The following TC2N variants were observed in gnomAD, a reference collection of about 807,000 sequenced individuals.
TC2N encodes tandem C2 domains, nuclear, also known as tandem C2 domains nuclear protein.
In TC2N, 51 loss-of-function variants were observed where a neutral mutation model predicts 61.9. The observed-to-expected ratio is 0.82, with a 90% confidence interval of 0.66 to 1.04. The LOEUF is 1.04. Among genes scored for constraint, TC2N ranks in the 50% least tolerant of loss-of-function variants. The pLI, the probability that TC2N is intolerant of heterozygous loss-of-function variation, is 0.00. For missense variants in TC2N, 556 were observed against 566.7 expected (o/e 0.98, Z 0.19); for synonymous variants, 204 against 192.6 (o/e 1.06, Z -0.49).
chr14:91,839,569 T>C (rs1228527285), intron 1 of TC2N, among the ~76,000 whole-genome samples: 7 of 152,214 alleles, frequency 4.6e-5, no homozygotes, highest in African/African-American at 9.6e-5. Context: ...GCACTTGATA[T>C]AGAAGGCACT....
intron 7 of TC2N, 120 bp from the exon 8 acceptor site, chr14:91,798,021 G>T: frequency 1.5e-6 from 1 of 664,314 alleles, no homozygotes; most frequent in Non-Finnish European, 2.5e-6. Context: ...TGTCTACTGA[G>T]ACCTCATGTT....
intron 9 of TC2N, among the ~76,000 whole-genome samples, chr14:91,791,971 T>C (rs185819018): frequency 7.9e-5 from 12 of 151,896 alleles, no homozygotes; most frequent in Admixed American, 7.2e-4. Context: ...AAAAAAAAAT[T>C]AGCCAGGCAT....
intron 1 of TC2N, among the ~76,000 whole-genome samples, chr14:91,863,738 C>G (rs1166493781): frequency 6.7e-6 from 1 of 148,798 alleles, no homozygotes; most frequent in Non-Finnish European, 1.5e-5. Flanking sequence ...GCAATCCTAG[C>G]ACTTTAGGAG....
At chr14:91,792,097 C>T (rs544353040) in intron 9 of TC2N, among the ~76,000 whole-genome samples, 59 of 149,864 alleles carry the variant, frequency 3.9e-4, no homozygotes, top group African/African-American at 1.3e-3. Flanking sequence ...CCAGCCTGGG[C>T]GACAGAGCGA....
chr14:91,840,597 AG>A (rs1425904084), intron 1 of TC2N, among the ~76,000 whole-genome samples: 1 of 152,168 alleles, frequency 6.6e-6, no homozygotes, highest in African/African-American at 2.4e-5. Context: ...TGCACTTTGA[AG>A]GGTTTCCCTG....
intron 3 of TC2N, among the ~76,000 whole-genome samples, chr14:91,809,212 A>T (rs1302841975): frequency 6.6e-6 from 1 of 152,136 alleles, no homozygotes; most frequent in Non-Finnish European, 1.5e-5. Context: ...GGAGTTCAAG[A>T]CCAGCCTGGC....
chr14:91,791,207 AGAGGG>A (rs1397962447), intron 9 of TC2N, among the ~76,000 whole-genome samples: 3 of 29,056 alleles, frequency 1.0e-4, no homozygotes, highest in Non-Finnish European at 2.1e-4. Flanking sequence ...GGAGGGGAGA[AGAGGG>A]GAGGGGAGGG....
intron 1 of TC2N, among the ~76,000 whole-genome samples, chr14:91,836,769 C>T (rs996359851): frequency 6.6e-6 from 1 of 152,096 alleles, no homozygotes; most frequent in African/African-American, 2.4e-5. Flanking sequence ...TGTAAAATGC[C>T]GCCAGGTGTG....
intron 2 of TC2N, among the ~76,000 whole-genome samples, chr14:91,812,795 T>C (rs1167139707): frequency 6.6e-6 from 1 of 151,874 alleles, no homozygotes; most frequent in Admixed American, 6.6e-5. Flanking sequence ...AAGAGTCTTA[T>C]TCCCAAAAGA....
At chr14:91,786,517 G>A (rs1412479945) in intron 10 of TC2N, among the ~76,000 whole-genome samples, 1 of 152,086 alleles carries the variant, frequency 6.6e-6, no homozygotes, top group Admixed American at 6.5e-5. Flanking sequence ...TTTTATTAGA[G>A]GCAGTTCTTT....
At chr14:91,822,115 C>A (rs1327324221) in intron 1 of TC2N, among the ~76,000 whole-genome samples, 1 of 152,140 alleles carries the variant, frequency 6.6e-6, no homozygotes, top group African/African-American at 2.4e-5. Flanking sequence ...TGAACATATA[C>A]CTGCTACATG....
chr14:91,862,718 TTGG>T (rs1327163077), intron 1 of TC2N, among the ~76,000 whole-genome samples: 5 of 152,254 alleles, frequency 3.3e-5, no homozygotes, highest in Non-Finnish European at 5.9e-5. Context: ...CTGCTTCTTT[TTGG>T]TGTGCCTTAT....
intron 1 of TC2N, among the ~76,000 whole-genome samples, chr14:91,863,829 CA>C (rs35582740): frequency 0.25 from 15,288 of 60,890 alleles, 735 homozygotes; most frequent in Admixed American, 0.31. Context: ...TCCATCTCTA[CA>C]AAAAAAAAAA....
chr14:91,857,662 T>A (rs1451385867), intron 1 of TC2N, among the ~76,000 whole-genome samples: 1 of 152,142 alleles, frequency 6.6e-6, no homozygotes, highest in African/African-American at 2.4e-5. Flanking sequence ...AGTGGCAGGG[T>A]TGAGACCCAA....
At chr14:91,812,896 G>A (rs1306774331) in intron 2 of TC2N, among the ~76,000 whole-genome samples, 1 of 151,762 alleles carries the variant, frequency 6.6e-6, no homozygotes, top group Non-Finnish European at 1.5e-5. Context: ...GTCAACAAAA[G>A]CAATTCTTTT....
chr14:91,862,558 C>T (rs1236527194), intron 1 of TC2N, among the ~76,000 whole-genome samples: 3 of 152,138 alleles, frequency 2.0e-5, no homozygotes, highest in Non-Finnish European at 4.4e-5. Flanking sequence ...AGAGCAGCCT[C>T]GAGGCAATTT....
rs748384310 is a variant in TC2N, at chr14:91,802,394, C to G, written c.329G>C (p.Arg110Pro). The change falls in exon 4 of 12, where the codon CGA becomes CCA. Residue 110 changes from arginine to proline, a missense_variant. Coordinates refer to ENST00000435962, the MANE Select transcript of TC2N (RefSeq NM_001128596.3). ...GGATGAACTGGAAAGTTCTACCTTT[C>G]GATCTCCAAAAGATGCTCTGGCAGA... ...EGSARASFGDRKVELSSSSQH... is the reference protein window; with the variant it reads ...EGSARASFGDPKVELSSSSQH... 6.2e-7 allele frequency: 1 copy of G among 1,612,032 alleles called. No homozygotes were observed. Among genetic ancestry groups the G allele is most frequent in the African/African-American group, 1.3e-5 (1 of 74,786 alleles).
At chr14:91,823,195 A>C (rs1363225373) in intron 1 of TC2N, among the ~76,000 whole-genome samples, 1 of 152,172 alleles carries the variant, frequency 6.6e-6, no homozygotes. Flanking sequence ...AAGAGGCCTC[A>C]AAAACATTAG....
At chr14:91,814,370 AG>A (rs1260952370) in intron 1 of TC2N, among the ~76,000 whole-genome samples, 1 of 150,012 alleles carries the variant, frequency 6.7e-6, no homozygotes, top group Non-Finnish European at 1.5e-5. Flanking sequence ...AAAAAAAAAA[AG>A]TCAAGGGCAA....
Sources: gnomAD v4.1 joint callset for allele counts (sites outside exome capture counted in the v4.1 genomes callset) on GRCh38, gnomAD v4.1.1 for gene constraint, MANE v1.5 for transcripts, NCBI Gene and HGNC (gene_info 2026-07-23, HGNC 2026-07-21) for gene names.